Variants in BBS9 observed in about 807,000 individuals in gnomAD.
BBS9 encodes Bardet-Biedl syndrome 9.
BBS9 carries 89 observed loss-of-function variants against 117.7 expected under a neutral mutation model. That is an observed-to-expected ratio of 0.76 (90% CI 0.64 to 0.90). BBS9 has a LOEUF of 0.90. Ranked by LOEUF, BBS9 falls within the 40% of genes least tolerant of loss-of-function variation. The pLI is 0.00. For synonymous variants in BBS9, 379 were observed against 370.9 expected, an observed-to-expected ratio of 1.02 and a Z score of -0.25; for missense variants, 982 against 1,042.2, an observed-to-expected ratio of 0.94 and a Z score of 0.80.
chr7:33,229,761 T>C (rs1791968374), intron 5 of BBS9, among the ~76,000 whole-genome samples: 1 of 152,174 alleles, frequency 6.6e-6, no homozygotes, highest in Admixed American at 6.6e-5. Context: ...TTCATTTCAT[T>C]TGGGTATATG....
intron 21 of BBS9, among the ~76,000 whole-genome samples, chr7:33,538,585 A>G (rs1048802015): frequency 1.3e-5 from 2 of 152,190 alleles, no homozygotes; most frequent in African/African-American, 4.8e-5. Context: ...TCCAGGTCTC[A>G]CTTAGATGCT....
At chr7:33,155,148 T>C (rs1793914194) in intron 3 of BBS9, among the ~76,000 whole-genome samples, 1 of 152,244 alleles carries the variant, frequency 6.6e-6, no homozygotes, top group Non-Finnish European at 1.5e-5. Context: ...ATTTCAGATA[T>C]GGAAGTGATA....
intron 21 of BBS9, among the ~76,000 whole-genome samples, chr7:33,603,676 C>A (rs918635623): frequency 1.3e-5 from 2 of 152,136 alleles, no homozygotes; most frequent in African/African-American, 4.8e-5. Flanking sequence ...GGTTCTCCTT[C>A]TGGGTAAGGC....
At chr7:33,220,118 C>A (rs1387866449) in intron 5 of BBS9, among the ~76,000 whole-genome samples, 1 of 152,192 alleles carries the variant, frequency 6.6e-6, no homozygotes, top group Non-Finnish European at 1.5e-5. Flanking sequence ...CAATTCCGGA[C>A]ACAGTTTCAC....
At chr7:33,162,690 A>T (rs992464380) in intron 4 of BBS9, among the ~76,000 whole-genome samples, 2 of 152,030 alleles carry the variant, frequency 1.3e-5, no homozygotes, top group Non-Finnish European at 2.9e-5. Flanking sequence ...GTATACTGAG[A>T]CTTTGCTAAA....
chr7:33,163,687 C>G (rs1326835530), intron 4 of BBS9, among the ~76,000 whole-genome samples: 1 of 152,090 alleles, frequency 6.6e-6, no homozygotes, highest in Non-Finnish European at 1.5e-5. Flanking sequence ...TCCCCTTTAT[C>G]ATTTTTTGTT....
At chr7:33,602,787 C>T (rs1308008289) in intron 21 of BBS9, among the ~76,000 whole-genome samples, 1 of 152,106 alleles carries the variant, frequency 6.6e-6, no homozygotes, top group Admixed American at 6.6e-5. Flanking sequence ...AGTGGCTGGT[C>T]AGCCCTTGCT....
intron 5 of BBS9, among the ~76,000 whole-genome samples, chr7:33,197,236 A>G (rs552342951): frequency 1.3e-5 from 2 of 152,300 alleles, no homozygotes; most frequent in South Asian, 4.1e-4. Context: ...TTTGACAACC[A>G]TTTTTGATCC....
chr7:33,484,553 G>A lies in BBS9; in HGVS notation c.2116-20910G>A, dbSNP rs547814671. Among the ~76,000 whole-genome samples the A allele has an allele frequency of 2.6e-5, 4 of 152,178 alleles. No individual in the cohort carries two copies. The East Asian group carries it at 7.7e-4, about 29-fold the overall frequency. On this transcript the variant is annotated intron_variant, in intron 19 of 22. Coordinates refer to ENST00000242067, the MANE Select transcript of BBS9 (RefSeq NM_198428.3). Reference sequence around the variant, plus strand: ...AACAGGAAAAAAGCTCAACATCACTGGTCATTAGAGAAATGCAAGTCAAAA... The same window carrying A: ...AACAGGAAAAAAGCTCAACATCACTAGTCATTAGAGAAATGCAAGTCAAAA...
rs2128756519 is a variant in BBS9, at chr7:33,388,045, A to G, written c.2016A>G (p.Gln672=). The change falls in exon 19 of 23, where the codon CAA becomes CAG. Residue 672 remains glutamine (Q), a synonymous_variant. Transcript: ENST00000242067. The part of the protein sequence containing the change: ...LEELLSERAV[Q]FRAIQRRLLA... The stretch of plus-strand genomic sequence containing the variant: ...AACTCTTATCTGAGAGAGCTGTACA[A>G]TTTCGGGCCATTCAACGCCGGCTAC... The G allele has an allele frequency of 1.2e-6, 2 of 1,614,148 alleles. No individual in the cohort carries two copies. Among genetic ancestry groups the G allele is most frequent in the Non-Finnish European group, 8.5e-7 (1 of 1,180,004 alleles).
intron 19 of BBS9, among the ~76,000 whole-genome samples, chr7:33,452,120 C>T (rs1287302113): frequency 6.6e-6 from 1 of 152,196 alleles, no homozygotes; most frequent in Admixed American, 6.5e-5. Flanking sequence ...AGGCGTGAGC[C>T]ACTGCACCTG....
chr7:33,600,754 G>A (rs750337742), intron 21 of BBS9, among the ~76,000 whole-genome samples: 6 of 152,084 alleles, frequency 3.9e-5, no homozygotes, highest in Non-Finnish European at 7.4e-5. Flanking sequence ...GCTCACTATG[G>A]CTAAGGCTGG....
At chr7:33,227,418 A>G (rs1314998701) in intron 5 of BBS9, among the ~76,000 whole-genome samples, 2 of 152,140 alleles carry the variant, frequency 1.3e-5, no homozygotes, top group Non-Finnish European at 2.9e-5. Context: ...AAGTGCTGAG[A>G]TTACAGGTGT....
At chr7:33,553,188 C>T (rs576795327) in intron 21 of BBS9, among the ~76,000 whole-genome samples, 5 of 152,330 alleles carry the variant, frequency 3.3e-5, no homozygotes, top group African/African-American at 9.6e-5. Context: ...TATTCTCACT[C>T]ATGGTCTCTT....
chr7:33,543,631 A>G (rs1852774854), intron 21 of BBS9, among the ~76,000 whole-genome samples: 1 of 152,136 alleles, frequency 6.6e-6, no homozygotes, highest in Non-Finnish European at 1.5e-5. Context: ...GGCTCTTAAG[A>G]TTCTTTCCTT....
chr7:33,600,288 A>G (rs937412086), intron 21 of BBS9, among the ~76,000 whole-genome samples: 1 of 152,178 alleles, frequency 6.6e-6, no homozygotes, highest in Non-Finnish European at 1.5e-5. Context: ...TAATTCTAAA[A>G]GGTGAAAGCT....
intron 9 of BBS9, among the ~76,000 whole-genome samples, chr7:33,320,409 A>C (rs1049924362): frequency 6.6e-6 from 1 of 152,220 alleles, no homozygotes; most frequent in African/African-American, 2.4e-5. Context: ...TTGTTGTTGC[A>C]AATGACAGGA....
intron 18 of BBS9, among the ~76,000 whole-genome samples, chr7:33,384,533 T>A (rs983661083): frequency 1.3e-5 from 2 of 152,184 alleles, no homozygotes; most frequent in African/African-American, 4.8e-5. Context: ...CAGTCATAGT[T>A]TTTTTAAAAG....
intron 21 of BBS9, among the ~76,000 whole-genome samples, chr7:33,622,555 G>A (rs938707572): frequency 5.9e-5 from 9 of 151,896 alleles, no homozygotes; most frequent in East Asian, 3.9e-4. Context: ...TTTGTATACC[G>A]TAAATATATA....
Sources: gnomAD v4.1 joint callset for allele counts (sites outside exome capture counted in the v4.1 genomes callset) on GRCh38, gnomAD v4.1.1 for gene constraint, MANE v1.5 for transcripts, NCBI Gene and HGNC (gene_info 2026-07-23, HGNC 2026-07-21) for gene names.